Variants in CFAP44 observed in about 807,000 individuals in gnomAD.
CFAP44 encodes cilia- and flagella-associated protein 44.
A neutral mutation model predicts 216.2 loss-of-function variants in CFAP44; 134 were observed. The observed-to-expected ratio is 0.62, with a 90% CI of 0.54 to 0.72. The LOEUF (loss-of-function observed/expected upper bound fraction) is 0.72, where lower values mean the gene tolerates loss of function less well. Ranked by LOEUF, CFAP44 falls within the 30% of genes least tolerant of loss-of-function variation. The pLI, the probability that CFAP44 is intolerant of heterozygous loss-of-function variation, is 0.00. For synonymous variants in CFAP44, 700 were observed against 727.6 expected (o/e 0.96, Z 0.61); for missense variants, 2,035 against 2,182.1 (o/e 0.93, Z 1.34).
At chr3:113,357,303 G>T (rs1950500578) in intron 22 of CFAP44, among the ~76,000 whole-genome samples, 1 of 152,110 alleles carries the variant, frequency 6.6e-6, no homozygotes, top group African/African-American at 2.4e-5. Flanking sequence ...TTGAAAATAG[G>T]GTCTTGATAG....
At chr3:113,350,451 G>A (rs1950433308) in intron 22 of CFAP44, among the ~76,000 whole-genome samples, 1 of 152,158 alleles carries the variant, frequency 6.6e-6, no homozygotes. Flanking sequence ...AAGCCGAAGA[G>A]AAAGAAAGAG....
chr3:113,317,560 C>T (rs1005163090), intron 28 of CFAP44, among the ~76,000 whole-genome samples: 3 of 152,194 alleles, frequency 2.0e-5, no homozygotes, highest in African/African-American at 7.2e-5. Flanking sequence ...CTGGCAACCA[C>T]GAAGCAAATT....
chr3:113,404,147 A>C, intron 8 of CFAP44, 131 bp from the exon 9 acceptor site: 2 of 1,140,616 alleles, frequency 1.8e-6, no homozygotes, highest in Non-Finnish European at 2.4e-6. Context: ...ATGGAAAAAT[A>C]AAAAAATACA....
intron 8 of CFAP44, among the ~76,000 whole-genome samples, chr3:113,404,517 C>T (rs530558878): frequency 2.6e-4 from 39 of 152,202 alleles, no homozygotes; most frequent in Non-Finnish European, 7.4e-5. Context: ...TGCATGCCAC[C>T]AAACATTAGT....
chr3:113,291,527 A>G lies in CFAP44; in HGVS notation c.*30T>C. The G allele has an allele frequency of 6.5e-7, 1 of 1,527,482 alleles. No homozygotes were observed. The highest frequency in any genetic ancestry group is 8.8e-7 in the Non-Finnish European group (1 of 1,139,272). The allele number at this position is 1,527,482 out of a possible 1,614,324, so 94.6% of individuals were successfully genotyped here. The stretch of plus-strand genomic sequence containing the variant: ...GAACTTCCAGTGAGTTATGTCAGAA[A>G]TCTTGTATGGGTTTGAGAAAATAGC... On this transcript the variant is annotated 3_prime_UTR_variant, in exon 35 of 35. Coordinates refer to ENST00000393845, the MANE Select transcript of CFAP44 (RefSeq NM_001164496.2).
chr3:113,326,716 A>T (rs1220380741), intron 27 of CFAP44, 76 bp from the exon 28 acceptor site: 3 of 814,452 alleles, frequency 3.7e-6, no homozygotes, highest in Non-Finnish European at 5.3e-6. Flanking sequence ...ACTTTACAAT[A>T]CAAGGTTACA....
At chr3:113,404,393 G>T (rs1001229817) in intron 8 of CFAP44, among the ~76,000 whole-genome samples, 2 of 152,134 alleles carry the variant, frequency 1.3e-5, no homozygotes, top group Non-Finnish European at 2.9e-5. Context: ...TAGATAACTT[G>T]TAAGGCCAGT....
At chr3:113,322,432 T>C (rs2107805120) in intron 28 of CFAP44, among the ~76,000 whole-genome samples, 1 of 152,254 alleles carries the variant, frequency 6.6e-6, no homozygotes, top group East Asian at 1.9e-4. Context: ...GCAAAGGACA[T>C]GAACATACAC....
chr3:113,364,392 T>G (rs2107315824), intron 19 of CFAP44, among the ~76,000 whole-genome samples: 1 of 152,292 alleles, frequency 6.6e-6, no homozygotes, highest in East Asian at 1.9e-4. Flanking sequence ...ATGTATGAAA[T>G]GTAAATCTAC....
intron 1 of CFAP44, among the ~76,000 whole-genome samples, chr3:113,440,166 C>T (rs1267326639): frequency 1.3e-5 from 2 of 152,090 alleles, no homozygotes; most frequent in Non-Finnish European, 2.9e-5. Flanking sequence ...CTGGTTCAAG[C>T]GATTCTCGTG....
Position 113,291,697 on chromosome 3 carries a change from C to T in CFAP44, c.5425G>A (p.Val1809Ile), listed in dbSNP as rs62001865. 9.1e-3 allele frequency: 13,916 copies of T among 1,536,922 alleles called. 479 individuals carry two copies. In the African/African-American group the frequency reaches 0.11, roughly 12 times the overall value. ...GCCTGGAGTTGGATCAATTCAGTGA[C>T]CTCCTCTCTTGCCACAACATCTGCT... ...READVVAREE[V>I]TELIQLQAER... The change falls in exon 35 of 35, where the codon GTC (valine) becomes ATC (isoleucine). Residue 1809 changes from valine to isoleucine, a missense_variant. Physicochemically the swap from Val to Ile is conservative, Grantham distance 29. Transcript: ENST00000393845.
chr3:113,379,199 AATAG>A (rs1334759586), intron 17 of CFAP44, 103 bp downstream of exon 17: 12 of 883,986 alleles, frequency 1.4e-5, no homozygotes, highest in Non-Finnish European at 1.9e-5. Flanking sequence ...AAAAAAAATA[AATAG>A]ATAAATGAAA....
At chr3:113,346,718 C>T (rs374555304) in intron 22 of CFAP44, among the ~76,000 whole-genome samples, 12 of 151,924 alleles carry the variant, frequency 7.9e-5, no homozygotes, top group African/African-American at 2.9e-4. Flanking sequence ...GGCACCAATC[C>T]GCACTCTGTA....
At chr3:113,419,262 A>G (rs1405570136) in intron 5 of CFAP44, among the ~76,000 whole-genome samples, 2 of 152,000 alleles carry the variant, frequency 1.3e-5, no homozygotes. Context: ...GCACACAGTT[A>G]TTGCCACATT....
chr3:113,305,423 C>T (rs1949976063), intron 30 of CFAP44, among the ~76,000 whole-genome samples: 1 of 152,148 alleles, frequency 6.6e-6, no homozygotes, highest in Non-Finnish European at 1.5e-5. Context: ...TCCTCATCTC[C>T]CTTTTATTTT....
intron 1 of CFAP44, 57 bp from the exon 2 acceptor site, chr3:113,433,726 G>C: frequency 1.6e-6 from 2 of 1,289,058 alleles, no homozygotes; most frequent in Non-Finnish European, 2.2e-6. Flanking sequence ...GAAACTAACA[G>C]ATTTCCCCCT....
intron 23 of CFAP44, among the ~76,000 whole-genome samples, chr3:113,342,389 T>G (rs1950341226): frequency 6.6e-6 from 1 of 152,064 alleles, no homozygotes; most frequent in African/African-American, 2.4e-5. Flanking sequence ...CTACTATGAA[T>G]TCAACCCCAT....
intron 9 of CFAP44, 132 bp from the exon 10 acceptor site, chr3:113,401,871 T>C: frequency 1.0e-6 from 1 of 998,418 alleles, no homozygotes; most frequent in South Asian, 1.8e-5. Flanking sequence ...AATGAACAAG[T>C]GTGATAAGAA....
chr3:113,343,775 G>A (rs979588696), intron 23 of CFAP44, among the ~76,000 whole-genome samples: 2 of 152,190 alleles, frequency 1.3e-5, no homozygotes, highest in South Asian at 4.1e-4. Context: ...TAAGTATCAG[G>A]ACAGCGGTTT....
Sources: gnomAD v4.1 joint callset for allele counts (sites outside exome capture counted in the v4.1 genomes callset) on GRCh38, gnomAD v4.1.1 for gene constraint, MANE v1.5 for transcripts, NCBI Gene and HGNC (gene_info 2026-07-23, HGNC 2026-07-21) for gene names.